Variants in MAST4 observed in about 807,000 individuals in gnomAD.
The protein encoded by MAST4 is microtubule-associated serine/threonine-protein kinase 4.
Under a neutral mutation model 162.7 loss-of-function variants are expected in MAST4, and 89 were observed. The observed-to-expected ratio is 0.55, with a 90% confidence interval of 0.46 to 0.65. The LOEUF (loss-of-function observed/expected upper bound fraction) is 0.65, where lower values mean the gene tolerates loss of function less well. Among genes scored for constraint, MAST4 ranks in the 30% least tolerant of loss-of-function variants. MAST4 has a pLI of 0.00. For synonymous variants in MAST4, 1,479 were observed against 1,361.1 expected (o/e 1.09, Z -1.91); for missense variants, 3,153 against 3,374.0 (o/e 0.93, Z 1.62).
In MAST4 at chr5:66,839,442, G is replaced by A. The variant is rs569494110; in HGVS notation, c.642+50648G>A. Among the ~76,000 whole-genome samples, 81 of 152,304 alleles carry A rather than the reference G, an allele frequency of 5.3e-4. 1 individual carries two copies. Among genetic ancestry groups the A allele is most frequent in the Non-Finnish European group, 1.0e-3 (71 of 68,034 alleles). ...ATTTCTCCCAGACTCATAGATTTCT[G>A]TTAGAATGGTTTTCCAGAATTGTAC... On this transcript the variant is annotated intron_variant, in intron 3 of 28. Coordinates refer to ENST00000403625, the MANE Select transcript of MAST4 (RefSeq NM_001164664.2).
chr5:66,658,075 A>G (rs1326192103), intron 1 of MAST4, among the ~76,000 whole-genome samples: 1 of 152,250 alleles, frequency 6.6e-6, no homozygotes, highest in Non-Finnish European at 1.5e-5. Flanking sequence ...AGTCCAGGGT[A>G]ACCTGGTGCT....
Position 66,799,308 on chromosome 5 carries a change from A to G in MAST4, c.642+10514A>G, listed in dbSNP as rs1371318906. Among the ~76,000 whole-genome samples, 3 of 152,124 alleles carry G rather than the reference A, an allele frequency of 2.0e-5. No homozygotes were observed. In the East Asian group the frequency reaches 5.8e-4, roughly 29 times the overall value. ...GCCCTCTTTACCCACCCTCACCCCAATCCAGGTTACATGACCCTCCTTGGA... is the reference window on the plus strand; with the variant it reads ...GCCCTCTTTACCCACCCTCACCCCAGTCCAGGTTACATGACCCTCCTTGGA... On this transcript the variant is annotated intron_variant, in intron 3 of 28. Transcript: ENST00000403625.
At chr5:66,753,200 G>A (rs981705531) in intron 1 of MAST4, among the ~76,000 whole-genome samples, 5 of 152,110 alleles carry the variant, frequency 3.3e-5, no homozygotes, top group Admixed American at 2.6e-4. Context: ...GAGAAAGCAG[G>A]AAAGATCCAA....
intron 4 of MAST4, among the ~76,000 whole-genome samples, chr5:66,904,543 A>G (rs1763217553): frequency 6.6e-6 from 1 of 152,122 alleles, no homozygotes; most frequent in Non-Finnish European, 1.5e-5. Flanking sequence ...GCCGTGGTGC[A>G]TTGTTTCATG....
chr5:66,744,262 G>A (rs912538047), intron 1 of MAST4, among the ~76,000 whole-genome samples: 2 of 152,102 alleles, frequency 1.3e-5, no homozygotes, highest in African/African-American at 4.8e-5. Flanking sequence ...GGGCCCCTGG[G>A]CTGCTGATAA....
intron 1 of MAST4, among the ~76,000 whole-genome samples, chr5:66,649,727 G>T (rs189478133): frequency 1.2e-4 from 19 of 152,170 alleles, no homozygotes; most frequent in Non-Finnish European, 5.9e-5. Context: ...TCTGGCCTCT[G>T]TAATGACTGT....
At chr5:67,009,931 A>G (rs1195991243) in intron 4 of MAST4, among the ~76,000 whole-genome samples, 2 of 152,186 alleles carry the variant, frequency 1.3e-5, no homozygotes, top group African/African-American at 4.8e-5. Flanking sequence ...ATAGAAGTTG[A>G]TGAGCCATTG....
intron 1 of MAST4, among the ~76,000 whole-genome samples, chr5:66,683,785 TTTTCTA>T (rs1382901353): frequency 3.3e-5 from 5 of 152,176 alleles, no homozygotes; most frequent in Non-Finnish European, 7.3e-5. Flanking sequence ...TCCAGCTTGC[TTTTCTA>T]GCTCTGAAAT....
intron 1 of MAST4, among the ~76,000 whole-genome samples, chr5:66,648,594 G>A (rs955992894): frequency 6.6e-6 from 1 of 152,006 alleles, no homozygotes; most frequent in Non-Finnish European, 1.5e-5. Flanking sequence ...AAAGAAAATG[G>A]CCTTATTAAT....
At chr5:66,630,355 A>G (rs2149420537) in intron 1 of MAST4, among the ~76,000 whole-genome samples, 1 of 152,270 alleles carries the variant, frequency 6.6e-6, no homozygotes, top group South Asian at 2.1e-4. Flanking sequence ...TCCTGTTTTC[A>G]TCATTTTGGG....
chr5:66,650,588 A>C (rs13176995), intron 1 of MAST4, among the ~76,000 whole-genome samples: 79,234 of 151,986 alleles, frequency 0.52, 20,862 homozygotes, highest in South Asian at 0.66. Flanking sequence ...TAATTTAATT[A>C]TAAGCTACTG....
intron 4 of MAST4, among the ~76,000 whole-genome samples, chr5:66,942,696 G>A (rs970316922): frequency 6.6e-6 from 1 of 152,068 alleles, no homozygotes; most frequent in Non-Finnish European, 1.5e-5. Flanking sequence ...TTCCTGTCAT[G>A]ATAAAGTAGC....
At chr5:66,634,041 GGTTT>G (rs1368003825) in intron 1 of MAST4, among the ~76,000 whole-genome samples, 1 of 152,022 alleles carries the variant, frequency 6.6e-6, no homozygotes, top group South Asian at 2.1e-4. Flanking sequence ...TAGAGTAACT[GGTTT>G]GTTTTTTTCT....
intron 4 of MAST4, among the ~76,000 whole-genome samples, chr5:66,919,281 T>C (rs573395364): frequency 3.9e-5 from 6 of 152,164 alleles, no homozygotes; most frequent in Non-Finnish European, 8.8e-5. Flanking sequence ...CAAAAAAGGA[T>C]AGTCAACTTA....
chr5:66,890,626 A>T (rs1762307854), intron 3 of MAST4, among the ~76,000 whole-genome samples: 2 of 152,208 alleles, frequency 1.3e-5, no homozygotes, highest in South Asian at 4.1e-4. Flanking sequence ...AGTTGCCAAG[A>T]TCTGTGTTGT....
intron 1 of MAST4, among the ~76,000 whole-genome samples, chr5:66,753,231 A>G (rs1385139570): frequency 2.0e-5 from 3 of 152,202 alleles, no homozygotes; most frequent in Admixed American, 1.3e-4. Context: ...CTAATATCAC[A>G]ATTAAGAGAA....
rs952223614 is a variant in MAST4 at position 66,722,390 on chromosome 5, C to T, written c.364-37319C>T. 1.4e-4 allele frequency among the ~76,000 whole-genome samples: 21 copies of T among 151,370 alleles called. 1 individual carries two copies. Among genetic ancestry groups the T allele is most frequent in the East Asian group, 7.8e-4 (4 of 5,158 alleles). On this transcript the variant is annotated intron_variant, in intron 1 of 28. Coordinates refer to ENST00000403625, the MANE Select transcript of MAST4 (RefSeq NM_001164664.2). ...TTCACCGAAAGTTATCTTCTCCATGCGGCTTAGAGTGACCACCTGTTTAAA... is the reference window on the plus strand; with the variant it reads ...TTCACCGAAAGTTATCTTCTCCATGTGGCTTAGAGTGACCACCTGTTTAAA...
chr5:66,837,024 A>ATGTGTGTG (rs56366963), intron 3 of MAST4, among the ~76,000 whole-genome samples: 1 of 150,210 alleles, frequency 6.7e-6, no homozygotes, highest in Non-Finnish European at 1.5e-5. Context: ...ATGCAGGATC[A>ATGTGTGTG]TGTGTGTGTG....
chr5:67,103,197 A>T (rs1473933848), intron 9 of MAST4, among the ~76,000 whole-genome samples: 1 of 152,210 alleles, frequency 6.6e-6, no homozygotes. Context: ...CCTGGCTGCA[A>T]GGACCTGCTC....
Sources: gnomAD v4.1 joint callset for allele counts (sites outside exome capture counted in the v4.1 genomes callset) on GRCh38, gnomAD v4.1.1 for gene constraint, MANE v1.5 for transcripts, NCBI Gene and HGNC (gene_info 2026-07-23, HGNC 2026-07-21) for gene names.